The following EXD3 variants were observed in gnomAD, a reference collection of about 807,000 sequenced individuals.
EXD3 encodes the protein exonuclease 3'-5' domain containing 3, also known as exonuclease mut-7 homolog.
Under a neutral mutation model 98.0 loss-of-function variants are expected in EXD3, and 92 were observed. The observed-to-expected ratio is 0.94, with a 90% CI of 0.79 to 1.12. The LOEUF (loss-of-function observed/expected upper bound fraction) is 1.12, where lower values mean the gene tolerates loss of function less well. EXD3 is among the 50% of genes most tolerant of loss of function. The pLI is 0.00. For synonymous variants in EXD3, 569 were observed against 526.0 expected (o/e 1.08, Z -1.12); for missense variants, 1,222 against 1,191.6 (o/e 1.03, Z -0.38).
intron 2 of EXD3, among the ~76,000 whole-genome samples, chr9:137,389,956 T>C (rs1052711867): frequency 1.3e-5 from 2 of 150,370 alleles, no homozygotes; most frequent in Non-Finnish European, 2.9e-5. Context: ...ACCCCGTCTC[T>C]ACTAAAAATA....
At chr9:137,353,567 T>A in intron 10 of EXD3, 1 of 985,506 alleles carries the variant, frequency 1.0e-6, no homozygotes, top group Non-Finnish European at 1.2e-6. Context: ...CTGAGAAACC[T>A]CATCCTCACC....
At chr9:137,348,588 TAGAG>T (rs920160057) in intron 16 of EXD3, among the ~76,000 whole-genome samples, 1 of 103,614 alleles carries the variant, frequency 9.7e-6, no homozygotes, top group Non-Finnish European at 1.9e-5. Flanking sequence ...AGGTGCTAGA[TAGAG>T]AGGGGTGAGG....
Position 137,405,892 on chromosome 9 carries a change from C to T in EXD3, c.-47-10488G>A, listed in dbSNP as rs994556635. Among the ~76,000 whole-genome samples the T allele has an allele frequency of 6.6e-6, 1 of 152,220 alleles. No individual in the cohort carries two copies. The highest frequency in any genetic ancestry group is 2.4e-5 in the African/African-American group (1 of 41,446). ...AGACACCTTGCCCGTGCCCCAATGC[C>T]AGGCAGAGGCCTCTGTGCTCTGAAG... On this transcript the variant is annotated intron_variant, in intron 1 of 21. Coordinates refer to ENST00000340951, the MANE Select transcript of EXD3 (RefSeq NM_017820.5). This position sits in a 1 kb window ranked among gnomAD's most constrained non-coding sequence, Gnocchi z 4.1.
chr9:137,374,999 G>A (rs1733767794), intron 3 of EXD3: 1 of 336,108 alleles, frequency 3.0e-6, no homozygotes, highest in African/African-American at 2.2e-5. Flanking sequence ...GCTCTTGTGA[G>A]TTCTAACCCT....
At chr9:137,361,600 G>T (rs186998257) in intron 7 of EXD3, among the ~76,000 whole-genome samples, 1 of 150,954 alleles carries the variant, frequency 6.6e-6, no homozygotes, top group Admixed American at 6.6e-5. Flanking sequence ...ACAAAAATTA[G>T]CCAGGTGTGG....
intron 3 of EXD3, among the ~76,000 whole-genome samples, chr9:137,380,846 C>G (rs1355008625): frequency 1.3e-5 from 2 of 150,056 alleles, no homozygotes; most frequent in East Asian, 4.0e-4. Context: ...CCTGTTACAA[C>G]AGGACCATCT....
chr9:137,382,410 C>T (rs896591964), intron 3 of EXD3, among the ~76,000 whole-genome samples: 1 of 151,934 alleles, frequency 6.6e-6, no homozygotes, highest in Non-Finnish European at 1.5e-5. Flanking sequence ...GGGCGGGACC[C>T]GGGGAGGCTC....
At chr9:137,323,629 C>A in intron 19 of EXD3, 96 bp downstream of exon 19, 3 of 1,509,376 alleles carry the variant, frequency 2.0e-6, no homozygotes, top group Admixed American at 1.9e-5. Context: ...CCACCCCAGA[C>A]CCACCACTGT....
chr9:137,319,831 C>G (rs1424390519), intron 19 of EXD3, among the ~76,000 whole-genome samples: 1 of 152,214 alleles, frequency 6.6e-6, no homozygotes, highest in Non-Finnish European at 1.5e-5. Flanking sequence ...CGCACTGGCC[C>G]TGAGGGACCC....
At position 137,403,297 on chromosome 9, in the gene EXD3, G is replaced by A. The variant is rs569021390; in HGVS notation, c.-47-7893C>T. Reference sequence around the variant, plus strand: ...GGCCCCAGAAGATGCAGACCCGAACGCGTCTCCTCCCGGCTGGTCTGTCCA... The same window carrying A: ...GGCCCCAGAAGATGCAGACCCGAACACGTCTCCTCCCGGCTGGTCTGTCCA... On this transcript the variant is annotated intron_variant, in intron 1 of 21. Transcript: ENST00000340951. This position sits in a 1 kb window ranked among gnomAD's most constrained non-coding sequence, Gnocchi z 6.1. 4.6e-5 allele frequency among the ~76,000 whole-genome samples: 7 copies of A among 152,108 alleles called. No individual in the cohort carries two copies. The highest frequency in any genetic ancestry group is 4.1e-4 in the South Asian group (2 of 4,820).
At chr9:137,423,042 A>ACCCGG in intron 1 of EXD3, 72 bp downstream of exon 1, 1 of 151,696 alleles carries the variant, frequency 6.6e-6, no homozygotes, top group African/African-American at 2.4e-5. Flanking sequence ...CAGGACGCGC[A>ACCCGG]CCCGGCCCGG....
intron 1 of EXD3, among the ~76,000 whole-genome samples, chr9:137,410,779 C>G (rs1033720924): frequency 6.6e-6 from 1 of 152,162 alleles, no homozygotes; most frequent in Non-Finnish European, 1.5e-5. Context: ...GTGGAGGCGA[C>G]GCTGCTGAGG....
At chr9:137,365,603 GCACA>G (rs71387829) in intron 7 of EXD3, 27 of 185,632 alleles carry the variant, frequency 1.5e-4, no homozygotes, top group Middle Eastern at 2.3e-3. Context: ...GCACACACAT[GCACA>G]CACACGCACA....
chr9:137,382,039 G>GGGAGGAGGTGAGGGCGCGC (rs1564194567), intron 3 of EXD3, among the ~76,000 whole-genome samples: 7 of 120,348 alleles, frequency 5.8e-5, no homozygotes, highest in East Asian at 2.6e-4. Context: ...TGAGGGCGCG[G>GGGAGGAGGTGAGGGCGCGC]GGAGGAGGTG....
Position 137,347,361 on chromosome 9 carries a change from C to T in EXD3, c.1998+710G>A, listed in dbSNP as rs886500023. ...GTTGGACTGAGGTTTCCTTGTGCGG[C>T]GTCCTCCATCTTCAAGCCAACAATG... On this transcript the variant is annotated intron_variant, in intron 17 of 21. Coordinates refer to ENST00000340951, the MANE Select transcript of EXD3 (RefSeq NM_017820.5). This position sits in a 1 kb window ranked among gnomAD's most constrained non-coding sequence, Gnocchi z 4.2. Among the ~76,000 whole-genome samples, 3 of 152,012 alleles carry T rather than the reference C, an allele frequency of 2.0e-5. No homozygotes were observed. The highest frequency in any genetic ancestry group is 2.1e-4 in the South Asian group (1 of 4,782).
chr9:137,362,107 T>C (rs569909452), intron 7 of EXD3, among the ~76,000 whole-genome samples: 6 of 152,294 alleles, frequency 3.9e-5, no homozygotes, highest in East Asian at 1.9e-4. Flanking sequence ...TAATACCAAC[T>C]ACACACAGTT....
rs752895028 is a variant in EXD3 at position 137,366,594 on chromosome 9, G to A, written c.555C>T (p.Leu185=). The A allele has an allele frequency of 7.1e-6, 11 of 1,556,284 alleles. No homozygotes were observed. The highest frequency in any genetic ancestry group is 3.6e-5 in the South Asian group (3 of 84,280). ...IPLLLQDKVA[L]VERYVAGFPD... is the part of the protein sequence containing the mutation. ...GGAAGCCGGCCACATAGCGCTCCAC[G>A]AGGGCCACCTTGTCCTGGAGGAGCA... The change falls in exon 7 of 22, where the codon CTC becomes CTT. Residue 185 remains leucine, a synonymous_variant. Coordinates refer to ENST00000340951, the MANE Select transcript of EXD3 (RefSeq NM_017820.5).
intron 1 of EXD3, among the ~76,000 whole-genome samples, chr9:137,422,062 CTCA>C (rs1838546701): frequency 6.7e-6 from 1 of 150,250 alleles, no homozygotes; most frequent in Admixed American, 6.6e-5. Context: ...TCACTGAGAC[CTCA>C]TGTTTGCCAC....
chr9:137,352,225 G>T, intron 11 of EXD3, 24 bp from the exon 12 acceptor site: 1 of 1,611,872 alleles, frequency 6.2e-7, no homozygotes, highest in South Asian at 1.1e-5. Flanking sequence ...AGCTGGTAGC[G>T]CCCCCATGTC....
Sources: allele counts gnomAD v4.1 joint callset (sites outside exome capture counted in the v4.1 genomes callset), GRCh38; gene constraint gnomAD v4.1.1; non-coding constraint Gnocchi (gnomAD v3.1); transcripts MANE v1.5; gene names NCBI Gene and HGNC (gene_info 2026-07-23, HGNC 2026-07-21).